PPP4R1: variants seen among roughly 807,000 people sequenced by gnomAD.
PPP4R1 encodes the protein serine/threonine-protein phosphatase 4 regulatory subunit 1.
In PPP4R1, 42 loss-of-function variants were observed where a neutral mutation model predicts 111.2. The observed-to-expected ratio is 0.38, with a 90% CI of 0.29 to 0.49. The LOEUF is 0.49. Ranked by LOEUF, PPP4R1 falls within the 20% of genes least tolerant of loss-of-function variation. PPP4R1 has a pLI of 0.97. For missense variants in PPP4R1, 1,012 were observed against 1,161.6 expected, an observed-to-expected ratio of 0.87 and a Z score of 1.87; for synonymous variants, 409 against 405.5, an observed-to-expected ratio of 1.01 and a Z score of -0.10.
chr18:9,586,398 AT>A (rs1414005381), intron 6 of PPP4R1, among the ~76,000 whole-genome samples: 1 of 152,162 alleles, frequency 6.6e-6, no homozygotes, highest in Non-Finnish European at 1.5e-5. Flanking sequence ...GATTTCCTTC[AT>A]TGCAAAAATC....
intron 2 of PPP4R1, among the ~76,000 whole-genome samples, chr18:9,597,756 A>C (rs2055418447): frequency 6.6e-6 from 1 of 152,200 alleles, no homozygotes; most frequent in Non-Finnish European, 1.5e-5. Flanking sequence ...TGAATATAAA[A>C]ATAGCTAGCA....
intron 2 of PPP4R1, among the ~76,000 whole-genome samples, chr18:9,610,003 G>A (rs1307350391): frequency 1.3e-5 from 2 of 152,222 alleles, no homozygotes; most frequent in African/African-American, 2.4e-5. Flanking sequence ...ACCTGTGTAT[G>A]AAAGGCACTG....
upstream of PPP4R1, among the ~76,000 whole-genome samples, chr18:9,615,722 G>A (rs749884019): frequency 2.0e-5 from 3 of 152,200 alleles, no homozygotes; most frequent in African/African-American, 7.2e-5. Context: ...CCACTTTGGC[G>A]ATGTGGTCTC....
At chr18:9,554,263 G>A (rs963365923) in intron 15 of PPP4R1, among the ~76,000 whole-genome samples, 1 of 151,916 alleles carries the variant, frequency 6.6e-6, no homozygotes, top group Non-Finnish European at 1.5e-5. Flanking sequence ...GAGTAGCTGG[G>A]ACTACAGGCG....
intron 8 of PPP4R1, among the ~76,000 whole-genome samples, chr18:9,583,639 T>C (rs1415942970): frequency 6.6e-6 from 1 of 152,190 alleles, no homozygotes; most frequent in Non-Finnish European, 1.5e-5. Flanking sequence ...AGTGCTAGGA[T>C]TACAGGTGTG....
intron 2 of PPP4R1, among the ~76,000 whole-genome samples, chr18:9,603,751 C>T (rs551692118): frequency 1.3e-5 from 2 of 152,292 alleles, no homozygotes; most frequent in African/African-American, 4.8e-5. Context: ...TCCCAAAGTG[C>T]TGGGATTACA....
Position 9,614,335 on chromosome 18 carries a change from C to G in PPP4R1, c.8-65G>C, listed in dbSNP as rs532576735. The G allele has an allele frequency of 2.7e-5, 30 of 1,098,570 alleles. No homozygotes were observed. In the South Asian group the frequency reaches 7.9e-4, roughly 29 times the overall value. 68.1% of individuals were successfully genotyped at this position (1,098,570 alleles called of 1,614,324 possible). On this transcript the variant is annotated intron_variant, in intron 1 of 19. Coordinates refer to ENST00000400556, the MANE Select transcript of PPP4R1 (RefSeq NM_001042388.3). The surrounding 1 kb of genome is among the most constrained non-coding windows in gnomAD (Gnocchi z 4.1). ...CGGGGCCCGGCGCGACGCCCCCCCC[C>G]CGCCCGCCTCCCCCCCGCCCCGGGG...
chr18:9,615,426 T>A (rs1278402483), upstream of PPP4R1: 1 of 152,202 alleles, frequency 6.6e-6, no homozygotes, highest in African/African-American at 2.4e-5. Flanking sequence ...CCTAGCATGG[T>A]TCTTGATGTC....
At chr18:9,557,019 A>G in intron 15 of PPP4R1, 1 of 433,000 alleles carries the variant, frequency 2.3e-6, no homozygotes, top group East Asian at 4.2e-5. Context: ...AAATGTCTGT[A>G]AACTATCATC....
intron 2 of PPP4R1, 81 bp from the exon 3 acceptor site, chr18:9,595,234 T>C (rs2067272780): frequency 7.0e-7 from 1 of 1,420,330 alleles, no homozygotes. Flanking sequence ...AGTACAAATC[T>C]GTTTCTGGAA....
At position 9,584,519 on chromosome 18, in the gene PPP4R1, A is replaced by G. The variant is rs770500351; in HGVS notation, c.755T>C (p.Met252Thr). ...SVVGQQATEEMLLPRFFQLCS... is the reference protein window; with the variant it reads ...SVVGQQATEETLLPRFFQLCS... ...CTTTATATCTGCAATACTTACCAACATTTCTTCAGTAGCTTGCTGGCCAAC... is the reference window on the plus strand; with the variant it reads ...CTTTATATCTGCAATACTTACCAACGTTTCTTCAGTAGCTTGCTGGCCAAC... Residue 252 changes from methionine (M) to threonine (T), a missense_variant, in exon 8 of 20, where the codon ATG becomes ACG. Met to Thr is a moderately conservative substitution (Grantham distance 81, BLOSUM62 -1). Around this residue, in one of 2 missense-constraint regions of PPP4R1, gnomAD observed 707 missense variants for 742.1 expected, o/e 0.95. Transcript: ENST00000400556. 2 of 1,612,868 alleles carry G rather than the reference A, an allele frequency of 1.2e-6. No homozygotes were observed. The highest frequency in any genetic ancestry group is 1.7e-6 in the Non-Finnish European group (2 of 1,179,512).
intron 2 of PPP4R1, among the ~76,000 whole-genome samples, chr18:9,604,998 C>T (rs1277454092): frequency 6.6e-6 from 1 of 152,082 alleles, no homozygotes; most frequent in Non-Finnish European, 1.5e-5. Flanking sequence ...CTTTTTAATT[C>T]GTACAAACTT....
intron 2 of PPP4R1, among the ~76,000 whole-genome samples, chr18:9,606,186 T>C (rs1359109198): frequency 2.0e-5 from 3 of 152,240 alleles, no homozygotes; most frequent in Non-Finnish European, 4.4e-5. Context: ...ACTGATGAGA[T>C]GTATTGCTGA....
At chr18:9,582,982 T>C (rs2067054843) in intron 9 of PPP4R1, 135 bp downstream of exon 9, 1 of 850,258 alleles carries the variant, frequency 1.2e-6, no homozygotes, top group Non-Finnish European at 1.6e-6. Flanking sequence ...TAGTAGTCTT[T>C]CTACTGTCTA....
intron 15 of PPP4R1, 145 bp from the exon 16 acceptor site, chr18:9,553,567 T>C (rs531194575): frequency 1.6e-6 from 1 of 607,090 alleles, no homozygotes; most frequent in South Asian, 2.1e-5. Context: ...TTTTAAAATT[T>C]GGTATTAAGT....
rs1357600494 is a variant in PPP4R1, at chr18:9,588,172, C to T, written c.502G>A (p.Asp168Asn). The T allele has an allele frequency of 6.2e-7, 1 of 1,614,196 alleles. No individual in the cohort carries two copies. The highest frequency in any genetic ancestry group is 1.3e-5 in the African/African-American group (1 of 75,062). ...ACAGGGCACACTTTGGTCTCCACAT[C>T]AAATCGTTCAATGAGCTCCTGCTCC... ...LLEQELIERF[D>N]VETKVCPVLI... Residue 168 changes from aspartate (D) to asparagine (N), a missense_variant, in exon 6 of 20, where the codon GAT (aspartate) becomes AAT (asparagine). Physicochemically the swap from Asp to Asn is conservative, Grantham distance 23. Coordinates refer to ENST00000400556, the MANE Select transcript of PPP4R1 (RefSeq NM_001042388.3).
At position 9,549,321 on chromosome 18, in the gene PPP4R1, G is replaced by A; in HGVS notation, c.2565C>T (p.Asp855=). 2 of 1,608,326 alleles carry A rather than the reference G, an allele frequency of 1.2e-6. No individual in the cohort carries two copies. The highest frequency in any genetic ancestry group is 1.7e-6 in the Non-Finnish European group (2 of 1,174,950). ...VFVCQTVIED[D]CLPMDQFAVH... The stretch of plus-strand genomic sequence containing the variant: ...CAGCAAACTGGTCCATGGGAAGGCA[G>A]TCATCCTCAATGACAGTCTGGGGAA... Residue 855 remains aspartate (D), a synonymous_variant, in exon 19 of 20, where the codon GAC becomes GAT. Coordinates refer to ENST00000400556, the MANE Select transcript of PPP4R1 (RefSeq NM_001042388.3).
intron 13 of PPP4R1, among the ~76,000 whole-genome samples, chr18:9,559,955 G>A (rs1416634444): frequency 6.6e-6 from 1 of 152,104 alleles, no homozygotes; most frequent in Non-Finnish European, 1.5e-5. Context: ...CCCAGCAAAT[G>A]CAGAATAACA....
At chr18:9,574,497 T>C (rs1177387963) in intron 10 of PPP4R1, among the ~76,000 whole-genome samples, 2 of 152,240 alleles carry the variant, frequency 1.3e-5, no homozygotes, top group Non-Finnish European at 2.9e-5. Flanking sequence ...TTTTTTTTCA[T>C]ATAGTTAGCA....
Sources: gnomAD v4.1 joint callset for allele counts (sites outside exome capture counted in the v4.1 genomes callset) on GRCh38, gnomAD v4.1.1 for gene constraint, gnomAD v4.1.1 regional missense constraint, Gnocchi (gnomAD v3.1) non-coding constraint, MANE v1.5 for transcripts, NCBI Gene and HGNC (gene_info 2026-07-23, HGNC 2026-07-21) for gene names.